IQCH: variants seen among roughly 807,000 people sequenced by gnomAD.
IQCH encodes IQ motif containing H.
IQCH carries 98 observed loss-of-function variants against 117.0 expected under a neutral mutation model. The observed-to-expected ratio is 0.84, with a 90% confidence interval of 0.71 to 0.99. IQCH has a LOEUF of 0.99. Ranked by LOEUF, IQCH falls within the 50% of genes least tolerant of loss-of-function variation. The pLI is 0.00. For synonymous variants in IQCH, 412 were observed against 448.2 expected (o/e 0.92, Z 1.02); for missense variants, 1,102 against 1,243.8 (o/e 0.89, Z 1.72).
chr15:67,359,869 G>T lies in IQCH; in HGVS notation c.737G>T (p.Gly246Val). The change falls in exon 8 of 21, where the codon GGA (glycine) becomes GTA (valine). Residue 246 changes from glycine (G) to valine (V), a missense_variant. Transcript: ENST00000335894. The surrounding 1 kb of genome is among the most constrained non-coding windows in gnomAD (Gnocchi z 4.5). ...RSKGKSRRSR[G>V]HHDRKAMKVK... ...TAGGGGAAAAGCAGAAGGTCAAGAG[G>T]ACATCATGATAGGAAGGTCTGTAAT... is the stretch of plus-strand genomic sequence containing the variant. The T allele has an allele frequency of 6.2e-7, 1 of 1,613,284 alleles. No homozygotes were observed. Among genetic ancestry groups the T allele is most frequent in the East Asian group, 2.2e-5 (1 of 44,868 alleles).
intron 4 of IQCH, chr15:67,281,725 C>G: frequency 4.4e-6 from 2 of 454,550 alleles, no homozygotes; most frequent in South Asian, 3.1e-5. Context: ...AAGACCACTT[C>G]TGTTTGCTGG....
chr15:67,323,557 A>T (rs1184900668), intron 4 of IQCH, among the ~76,000 whole-genome samples: 1 of 152,104 alleles, frequency 6.6e-6, no homozygotes, highest in East Asian at 1.9e-4. Flanking sequence ...TACATATTTT[A>T]AAATAATTTT....
intron 18 of IQCH, among the ~76,000 whole-genome samples, chr15:67,487,738 A>G (rs1383519056): frequency 6.6e-6 from 1 of 152,136 alleles, no homozygotes; most frequent in Non-Finnish European, 1.5e-5. Context: ...TGTCTGTACT[A>G]AAGCTCAGAT....
intron 4 of IQCH, among the ~76,000 whole-genome samples, chr15:67,319,987 T>G (rs1307503793): frequency 1.3e-5 from 2 of 152,246 alleles, no homozygotes; most frequent in Non-Finnish European, 2.9e-5. Context: ...GTTAATCTCT[T>G]CATTGACTTC....
intron 16 of IQCH, among the ~76,000 whole-genome samples, chr15:67,438,045 GAAC>G (rs888868833): frequency 6.6e-6 from 1 of 152,082 alleles, no homozygotes; most frequent in Non-Finnish European, 1.5e-5. Context: ...GAAGCACAAA[GAAC>G]AACTGGAAAT....
chr15:67,388,728 G>T lies in IQCH; in HGVS notation c.1457-103G>T. 1.0e-6 allele frequency: 1 copy of T among 992,818 alleles called. No individual in the cohort carries two copies. Among genetic ancestry groups the T allele is most frequent in the South Asian group, 1.7e-5 (1 of 59,552 alleles). The allele number at this position is 992,818 out of a possible 1,614,324, so 61.5% of individuals were successfully genotyped here. ...TAAATTAACCTTAACCTGGGTTTTG[G>T]ATATGCTCTTTATTTTAAACTGCAC... On this transcript the variant is annotated intron_variant, in intron 11 of 20. Coordinates refer to ENST00000335894, the MANE Select transcript of IQCH (RefSeq NM_001031715.3). This position sits in a 1 kb window ranked among gnomAD's most constrained non-coding sequence, Gnocchi z 5.5.
intron 4 of IQCH, among the ~76,000 whole-genome samples, chr15:67,303,821 A>G (rs1418543689): frequency 6.6e-6 from 1 of 152,204 alleles, no homozygotes; most frequent in Non-Finnish European, 1.5e-5. Context: ...TAATGAAAGC[A>G]TAAATTATTC....
In IQCH at chr15:67,427,223, C is replaced by T. The variant is rs914762208; in HGVS notation, c.2505+5646C>T. Among the ~76,000 whole-genome samples the T allele has an allele frequency of 6.6e-6, 1 of 152,142 alleles. No individual in the cohort carries two copies. ...TACTTATTTGTTTAATGTAACTAAT[C>T]TCCCAACCACTCCTGCCATCTTCTT... On this transcript the variant is annotated intron_variant, in intron 16 of 20. Transcript: ENST00000335894. The surrounding 1 kb of genome is among the most constrained non-coding windows in gnomAD (Gnocchi z 4.7).
At chr15:67,358,207 C>CTCTTTTTTTTTTTTTTTTTTTTTT (rs768931234) in intron 7 of IQCH, among the ~76,000 whole-genome samples, 2 of 10,450 alleles carry the variant, frequency 1.9e-4, no homozygotes, top group Non-Finnish European at 3.4e-4. Context: ...ACTTTCTTTT[C>CTCTTTTTTTTTTTTTTTTTTTTTT]TTTTTTTTTT....
intron 19 of IQCH, among the ~76,000 whole-genome samples, chr15:67,492,319 G>C (rs1408913063): frequency 1.3e-5 from 2 of 152,178 alleles, no homozygotes; most frequent in African/African-American, 4.8e-5. Flanking sequence ...CTGGGCACCA[G>C]CTGGCATGAA....
At position 67,407,336 on chromosome 15, in the gene IQCH, G is replaced by A. The variant is rs1213868226; in HGVS notation, c.2097+7031G>A. 1 of 152,204 alleles carries A rather than the reference G, an allele frequency of 6.6e-6. No homozygotes were observed. The highest frequency in any genetic ancestry group is 1.5e-5 in the Non-Finnish European group (1 of 68,030). The allele number at this position is 152,204 out of a possible 1,614,324, so 9.4% of individuals were successfully genotyped here. A position where few individuals can be genotyped will look rare whatever the true frequency, so the allele number is the denominator to read the frequency against. On this transcript the variant is annotated intron_variant, in intron 14 of 20. Coordinates refer to ENST00000335894, the MANE Select transcript of IQCH (RefSeq NM_001031715.3). The surrounding 1 kb of genome is among the most constrained non-coding windows in gnomAD (Gnocchi z 5.3). ...CCAGTTGGTGTATTTTCTAATTAGT[G>A]TAGCAGCACGTCACCACAATCATTG...
intron 10 of IQCH, chr15:67,373,743 G>A: frequency 2.2e-6 from 1 of 454,706 alleles, no homozygotes. Context: ...TAATGTTTTC[G>A]ATCTTCTTTA....
chr15:67,318,782 T>C (rs1463585957), intron 4 of IQCH, among the ~76,000 whole-genome samples: 1 of 152,142 alleles, frequency 6.6e-6, no homozygotes, highest in Non-Finnish European at 1.5e-5. Context: ...TGTAAGTCAA[T>C]GGGAAAGGGA....
intron 12 of IQCH, among the ~76,000 whole-genome samples, chr15:67,392,204 C>T (rs1261694773): frequency 6.6e-6 from 1 of 152,172 alleles, no homozygotes; most frequent in Non-Finnish European, 1.5e-5. Flanking sequence ...ATGTCAAAGG[C>T]TTTGATCTTG....
chr15:67,435,955 C>G (rs574694495), intron 16 of IQCH, among the ~76,000 whole-genome samples: 1 of 151,828 alleles, frequency 6.6e-6, no homozygotes, highest in Middle Eastern at 3.4e-3. Flanking sequence ...TGTAAGAGTT[C>G]TGCAAAATTA....
Position 67,490,074 on chromosome 15 carries a change from A to T in IQCH, c.2861+10A>T. The T allele has an allele frequency of 6.3e-7, 1 of 1,584,588 alleles. No individual in the cohort carries two copies. The highest frequency in any genetic ancestry group is 8.6e-7 in the Non-Finnish European group (1 of 1,160,574). On this transcript the variant is annotated intron_variant, in intron 19 of 20. Coordinates refer to ENST00000335894, the MANE Select transcript of IQCH (RefSeq NM_001031715.3). The surrounding 1 kb of genome is among the most constrained non-coding windows in gnomAD (Gnocchi z 4.9). Reference sequence around the variant, plus strand: ...ACAAGTTGGGAATGTTGTGAGTATGAAGTGTATCTGTGAGTTGCAATAAGC... The same window carrying T: ...ACAAGTTGGGAATGTTGTGAGTATGTAGTGTATCTGTGAGTTGCAATAAGC...
chr15:67,349,694 A>C (rs1292888985), intron 6 of IQCH, among the ~76,000 whole-genome samples: 3 of 152,154 alleles, frequency 2.0e-5, no homozygotes, highest in Non-Finnish European at 4.4e-5. Context: ...TTTTATCCAG[A>C]ACATATAAAG....
rs940814530 is a variant in IQCH at position 67,443,349 on chromosome 15, T to C, written c.2505+21772T>C. 1.3e-5 allele frequency among the ~76,000 whole-genome samples: 2 copies of C among 152,114 alleles called. No individual in the cohort carries two copies. Among genetic ancestry groups the C allele is most frequent in the Admixed American group, 6.5e-5 (1 of 15,270 alleles). Reference sequence around the variant, plus strand: ...GAATGGAAAACCGGACATCGTATGTTCTCACTGATATGTGGGAGCTAAGCT... The same window carrying C: ...GAATGGAAAACCGGACATCGTATGTCCTCACTGATATGTGGGAGCTAAGCT... On this transcript the variant is annotated intron_variant, in intron 16 of 20. Transcript: ENST00000335894. The surrounding 1 kb of genome is among the most constrained non-coding windows in gnomAD (Gnocchi z 5.0).
At chr15:67,285,940 A>C (rs551576709) in intron 4 of IQCH, among the ~76,000 whole-genome samples, 28 of 152,256 alleles carry the variant, frequency 1.8e-4, no homozygotes, top group African/African-American at 6.7e-4. Context: ...GCTCCATATA[A>C]ATTTTAAGAT....
Sources: allele counts gnomAD v4.1 joint callset (sites outside exome capture counted in the v4.1 genomes callset), GRCh38; gene constraint gnomAD v4.1.1; non-coding constraint Gnocchi (gnomAD v3.1); transcripts MANE v1.5; gene names NCBI Gene and HGNC (gene_info 2026-07-23, HGNC 2026-07-21).